NISCH: variants seen among roughly 807,000 people sequenced by gnomAD.
NISCH encodes nischarin, also known as I-1 receptor candidate protein.
Under a neutral mutation model 138.4 loss-of-function variants are expected in NISCH, and 55 were observed. The ratio of observed to expected loss-of-function variants is 0.40; its 90% CI spans 0.32 to 0.50. NISCH has a LOEUF of 0.50. Ranked by LOEUF, NISCH falls within the 20% of genes least tolerant of loss-of-function variation. The pLI is 0.71. For synonymous variants in NISCH, 860 were observed against 861.5 expected (o/e 1.00, Z 0.03); for missense variants, 1,643 against 2,005.5 (o/e 0.82, Z 3.45).
At chr3:52,460,170 G>C (rs1578273697) in intron 3 of NISCH, among the ~76,000 whole-genome samples, 1 of 100,336 alleles carries the variant, frequency 1.0e-5, no homozygotes, top group Non-Finnish European at 1.8e-5. Flanking sequence ...AACAGAGTGA[G>C]AGTAAGACTT....
chr3:52,476,259 A>T, intron 7 of NISCH, 188 bp from the exon 8 acceptor site: 1 of 639,020 alleles, frequency 1.6e-6, no homozygotes, highest in Non-Finnish European at 2.7e-6. Flanking sequence ...TTATGTGGTA[A>T]ATTGTTCAGC....
intron 3 of NISCH, among the ~76,000 whole-genome samples, chr3:52,464,107 T>C (rs1030274484): frequency 4.6e-5 from 7 of 151,780 alleles, no homozygotes; most frequent in Non-Finnish European, 7.4e-5. Context: ...TTTTTAAAAA[T>C]CAGATTGGGC....
Position 52,481,164 on chromosome 3 carries a change from G to T in NISCH, c.1528+869G>T, listed in dbSNP as rs1707260272. The T allele has an allele frequency of 3.3e-6, 4 of 1,214,028 alleles. No individual in the cohort carries two copies. The Admixed American group carries it at 1.7e-4, about 53-fold the overall frequency. 75.2% of individuals were successfully genotyped at this position (1,214,028 alleles called of 1,614,324 possible). ...GAGGGATAAGATACCGGGAAGGGGA[G>T]GTGAAATGCTCACCACTGCCAAAAC... is the stretch of plus-strand genomic sequence containing the variant. On this transcript the variant is annotated intron_variant, in intron 13 of 20. Transcript: ENST00000345716.
chr3:52,457,586 C>T (rs1706510073), intron 1 of NISCH, among the ~76,000 whole-genome samples: 3 of 152,148 alleles, frequency 2.0e-5, no homozygotes, highest in South Asian at 2.1e-4. Context: ...GAGCCACATG[C>T]TTGTCTCATG....
intron 13 of NISCH, 141 bp from the exon 14 acceptor site, chr3:52,484,372 A>G (rs975137069): frequency 7.6e-6 from 5 of 659,090 alleles, no homozygotes; most frequent in Admixed American, 5.9e-5. Context: ...ATTTTCTTCT[A>G]TAATCCATGT....
intron 7 of NISCH, among the ~76,000 whole-genome samples, chr3:52,474,682 T>C (rs1287569862): frequency 1.3e-5 from 2 of 152,186 alleles, no homozygotes; most frequent in Non-Finnish European, 2.9e-5. Context: ...TCCACCAGCC[T>C]CAGCCTCCCA....
chr3:52,484,720 C>T, intron 14 of NISCH, 83 bp downstream of exon 14: 1 of 1,519,922 alleles, frequency 6.6e-7, no homozygotes, highest in Non-Finnish European at 9.0e-7. Context: ...AGGAAGTGGC[C>T]TAGCTGGAGC....
At chr3:52,459,346 C>T (rs891584909) in intron 3 of NISCH, among the ~76,000 whole-genome samples, 3 of 152,278 alleles carry the variant, frequency 2.0e-5, no homozygotes, top group East Asian at 1.9e-4. Flanking sequence ...CTCTGTACTC[C>T]GTCCTTGAAA....
chr3:52,488,548 C>T lies in NISCH; in HGVS notation c.3056C>T (p.Thr1019Met), dbSNP rs539580544. Residue 1019 changes from threonine to methionine, a missense_variant, in exon 16 of 21, where the codon ACG becomes ATG. Thr to Met is a moderately conservative substitution (Grantham distance 81). Transcript: ENST00000345716. ...GTGGTCATCGCCAAGACCCCCGGGA[C>T]GGGAGGCAGCCCCCAGGGCTCCTTT... ...KTVVIAKTPG[T>M]GGSPQGSFAD... 5.4e-5 allele frequency: 87 copies of T among 1,612,942 alleles called. No individual in the cohort carries two copies. Among genetic ancestry groups the T allele is most frequent in the African/African-American group, 6.7e-5 (5 of 75,064 alleles).
chr3:52,463,693 A>G (rs1363191738), intron 3 of NISCH, among the ~76,000 whole-genome samples: 1 of 138,302 alleles, frequency 7.2e-6, no homozygotes, highest in East Asian at 2.0e-4. Flanking sequence ...CATTTCCCTA[A>G]TGACTAATGT....
chr3:52,462,522 CTT>C (rs1035924281), intron 3 of NISCH, among the ~76,000 whole-genome samples: 4 of 152,234 alleles, frequency 2.6e-5, no homozygotes, highest in Non-Finnish European at 5.9e-5. Flanking sequence ...TTTCTCTTAA[CTT>C]TTATACTGTC....
rs371552355 is a variant in NISCH, at chr3:52,480,176, G to A, written c.1417-8G>A. ...CTCTCCCGGGCTGACTCAAGCACTCGTCCTCAGGGTGGTGAAGACTCCCGG... is the reference window on the plus strand; with the variant it reads ...CTCTCCCGGGCTGACTCAAGCACTCATCCTCAGGGTGGTGAAGACTCCCGG... On this transcript the variant is annotated splice_region_variant and splice_polypyrimidine_tract_variant and intron_variant, in intron 12 of 20. Coordinates refer to ENST00000345716, the MANE Select transcript of NISCH (RefSeq NM_007184.4). The A allele has an allele frequency of 9.3e-6, 15 of 1,613,736 alleles. No homozygotes were observed. Among genetic ancestry groups the A allele is most frequent in the African/African-American group, 1.3e-5 (1 of 75,026 alleles).
chr3:52,468,414 C>T (rs1219854483), intron 3 of NISCH, among the ~76,000 whole-genome samples: 1 of 152,198 alleles, frequency 6.6e-6, no homozygotes, highest in Non-Finnish European at 1.5e-5. Context: ...CCCCTGGGAC[C>T]TGCTTGGCTC....
chr3:52,465,076 GA>G (rs1706744385), intron 3 of NISCH, among the ~76,000 whole-genome samples: 1 of 152,210 alleles, frequency 6.6e-6, no homozygotes, highest in Admixed American at 6.5e-5. Context: ...TCATACATGA[GA>G]AACCATTGCC....
intron 7 of NISCH, 69 bp from the exon 8 acceptor site, chr3:52,476,378 C>T (rs919417794): frequency 1.5e-5 from 24 of 1,559,316 alleles, no homozygotes; most frequent in Admixed American, 5.1e-5. Context: ...AATTCTGCAA[C>T]GACTGTGTTC....
At chr3:52,481,156 G>C in intron 13 of NISCH, 1 of 1,225,088 alleles carries the variant, frequency 8.2e-7, no homozygotes, top group Non-Finnish European at 1.0e-6. Context: ...AAGATACCGG[G>C]AAGGGGAGGT....
intron 3 of NISCH, among the ~76,000 whole-genome samples, chr3:52,462,413 CAAAATTGCCCCCCACTTGA>C (rs1330605984): frequency 6.6e-6 from 1 of 152,160 alleles, no homozygotes; most frequent in African/African-American, 2.4e-5. Flanking sequence ...CACTGGGGGG[CAAAATTGCCCCCCACTTGA>C]AAACCACTGG....
chr3:52,456,061 A>G (rs1043502158), intron 1 of NISCH, among the ~76,000 whole-genome samples: 4 of 151,950 alleles, frequency 2.6e-5, no homozygotes, highest in Non-Finnish European at 5.9e-5. Context: ...TAGATCCTCT[A>G]GGACTGGAGG....
chr3:52,455,988 G>A (rs1265082881), intron 1 of NISCH, among the ~76,000 whole-genome samples: 2 of 150,684 alleles, frequency 1.3e-5, no homozygotes, highest in African/African-American at 2.4e-5. Flanking sequence ...CTCGGGTTGG[G>A]GGCGGCATCT....
Sources: allele counts gnomAD v4.1 joint callset (sites outside exome capture counted in the v4.1 genomes callset), GRCh38; gene constraint gnomAD v4.1.1; transcripts MANE v1.5; gene names NCBI Gene and HGNC (gene_info 2026-07-23, HGNC 2026-07-21).